The following ARID4B variants were observed in gnomAD, a reference collection of about 807,000 sequenced individuals.
ARID4B encodes AT-rich interactive domain-containing protein 4B.
ARID4B carries 26 observed loss-of-function variants against 147.5 expected under a neutral mutation model. The observed-to-expected ratio is 0.18, with a 90% confidence interval of 0.13 to 0.24. ARID4B has a LOEUF of 0.24. ARID4B is among the 10% of genes least tolerant of loss of function. The pLI is 1.00. For synonymous variants in ARID4B, 512 were observed against 507.9 expected (o/e 1.01, Z -0.11); for missense variants, 1,179 against 1,511.5 (o/e 0.78, Z 3.65).
At chr1:235,259,330 A>T (rs751074446) in intron 3 of ARID4B, among the ~76,000 whole-genome samples, 8 of 152,260 alleles carry the variant, frequency 5.3e-5, no homozygotes, top group Admixed American at 2.6e-4. Flanking sequence ...GGGCCAAAGC[A>T]TGGGTCCTGG....
intron 9 of ARID4B, among the ~76,000 whole-genome samples, chr1:235,233,631 C>T (rs749787266): frequency 3.9e-5 from 6 of 151,996 alleles, no homozygotes; most frequent in African/African-American, 9.7e-5. Flanking sequence ...TAACACTTAC[C>T]ATCCATATAC....
At chr1:235,252,390 T>C (rs1330458695) in intron 6 of ARID4B, among the ~76,000 whole-genome samples, 1 of 152,196 alleles carries the variant, frequency 6.6e-6, no homozygotes, top group African/African-American at 2.4e-5. Context: ...ACACATCCTT[T>C]AACTACGACA....
At chr1:235,240,184 T>C (rs1668893201) in intron 8 of ARID4B, 129 bp downstream of exon 8, 3 of 798,744 alleles carry the variant, frequency 3.8e-6, no homozygotes, top group Non-Finnish European at 5.7e-6. Flanking sequence ...AAAGTAAGCT[T>C]AGTGTGAACT....
chr1:235,168,528 C>A lies in ARID4B; in HGVS notation c.3936G>T (p.Arg1312Ser). 1 of 1,613,934 alleles carries A rather than the reference C, an allele frequency of 6.2e-7. No individual in the cohort carries two copies. The highest frequency in any genetic ancestry group is 8.5e-7 in the Non-Finnish European group (1 of 1,179,898). ...AGTGCTTTAGCAAGTCCTGCTGTCA[C>A]CTGCACTCAACTGACATTCCATTTT... Reference protein sequence around the residue: ...ASQNGMSVECR With the variant: ...ASQNGMSVECS The change falls in exon 24 of 24, where the codon AGG becomes AGT. Residue 1312 changes from arginine (R) to serine (S), a missense_variant. By Grantham distance (110) the Arg-to-Ser change is moderately radical (BLOSUM62 -1). Coordinates refer to ENST00000264183, the MANE Select transcript of ARID4B (RefSeq NM_016374.6).
intron 19 of ARID4B, among the ~76,000 whole-genome samples, chr1:235,183,705 C>G (rs1161152999): frequency 6.6e-6 from 1 of 151,914 alleles, no homozygotes; most frequent in Non-Finnish European, 1.5e-5. Flanking sequence ...CCTGGCCTCT[C>G]ATTTTTCTTT....
intron 1 of ARID4B, chr1:235,327,284 C>G (rs1202076091): frequency 5.5e-6 from 1 of 180,686 alleles, no homozygotes; most frequent in Non-Finnish European, 1.2e-5. Context: ...GGGCCGGCCG[C>G]TCTCCCCTAG....
chr1:235,309,321 G>A (rs1255107729), intron 2 of ARID4B, among the ~76,000 whole-genome samples: 21 of 68,432 alleles, frequency 3.1e-4, no homozygotes, highest in African/African-American at 8.6e-4. Context: ...CCGCCCGGCA[G>A]CCGCCCCATC....
chr1:235,222,386 A>G (rs1667529778), intron 13 of ARID4B, among the ~76,000 whole-genome samples: 1 of 152,246 alleles, frequency 6.6e-6, no homozygotes, highest in Non-Finnish European at 1.5e-5. Context: ...ATTTTATTCC[A>G]TAGAATATTC....
intron 2 of ARID4B, among the ~76,000 whole-genome samples, chr1:235,285,291 A>T (rs1433716790): frequency 3.3e-5 from 5 of 152,200 alleles, no homozygotes; most frequent in Non-Finnish European, 7.3e-5. Context: ...CATTTATTGT[A>T]GAAATGGAGG....
intron 2 of ARID4B, among the ~76,000 whole-genome samples, chr1:235,280,968 C>T (rs542228779): frequency 5.3e-5 from 8 of 151,762 alleles, no homozygotes; most frequent in Non-Finnish European, 1.2e-4. Flanking sequence ...AAAAAGAGTC[C>T]TGAGTAACTT....
Position 235,186,413 on chromosome 1 carries a change from T to TA in ARID4B, c.2126-3621_2126-3620insT, listed in dbSNP as rs199724945. Among the ~76,000 whole-genome samples the TA allele has an allele frequency of 2.8e-3, 398 of 141,798 alleles. 2 individuals are homozygous for TA. The highest frequency in any genetic ancestry group is 0.024 in the Middle Eastern group (7 of 286). The allele number at this position is 141,798 out of a possible 152,430, so 93.0% of individuals were successfully genotyped here. ...TTAATGCTCTACTGAATTTGCTTAT[T>TA]TTTTTTTTTTTTTAAGAGACAGAGT... is the stretch of plus-strand genomic sequence containing the variant. On this transcript the variant is annotated intron_variant, in intron 19 of 23. Coordinates refer to ENST00000264183, the MANE Select transcript of ARID4B (RefSeq NM_016374.6).
intron 2 of ARID4B, among the ~76,000 whole-genome samples, chr1:235,291,493 G>T (rs751840421): frequency 3.3e-5 from 5 of 151,682 alleles, no homozygotes; most frequent in Non-Finnish European, 4.4e-5. Context: ...ACTTAGAATG[G>T]TTTAATTTTT....
At chr1:235,323,797 T>A (rs1675021196) in intron 2 of ARID4B, among the ~76,000 whole-genome samples, 1 of 151,522 alleles carries the variant, frequency 6.6e-6, no homozygotes, top group Non-Finnish European at 1.5e-5. Context: ...AAAAAAAAAG[T>A]AAAAATCAAC....
intron 17 of ARID4B, among the ~76,000 whole-genome samples, chr1:235,210,132 T>G (rs1242537805): frequency 6.6e-6 from 1 of 151,758 alleles, no homozygotes; most frequent in Non-Finnish European, 1.5e-5. Flanking sequence ...GAGGCTGAGG[T>G]GGGAGGATCA....
chr1:235,266,649 TGG>T (rs1670630335), intron 2 of ARID4B, among the ~76,000 whole-genome samples: 1 of 151,880 alleles, frequency 6.6e-6, no homozygotes, highest in African/African-American at 2.4e-5. Context: ...TAGCTATTAG[TGG>T]ATAATAATCC....
At chr1:235,286,500 G>C (rs1288931698) in intron 2 of ARID4B, among the ~76,000 whole-genome samples, 1 of 152,166 alleles carries the variant, frequency 6.6e-6, no homozygotes, top group Non-Finnish European at 1.5e-5. Context: ...CTGCACAAGA[G>C]GAGCACGAAG....
chr1:235,231,249 T>C lies in ARID4B; in HGVS notation c.666-60A>G, dbSNP rs1668214562. On this transcript the variant is annotated intron_variant, in intron 9 of 23. Coordinates refer to ENST00000264183, the MANE Select transcript of ARID4B (RefSeq NM_016374.6). Reference sequence around the variant, plus strand: ...AAACCCAAAATATGACTGAGATTAATTAAGAATCCAGATGATTACATATCA... The same window carrying C: ...AAACCCAAAATATGACTGAGATTAACTAAGAATCCAGATGATTACATATCA... The C allele has an allele frequency of 1.3e-5, 12 of 892,456 alleles. 1 individual carries two copies. The South Asian group carries it at 2.0e-4, about 15-fold the overall frequency. The allele number at this position is 892,456 out of a possible 1,614,324, so 55.3% of individuals were successfully genotyped here. A position where few individuals can be genotyped will look rare whatever the true frequency, so the allele number is the denominator to read the frequency against.
At chr1:235,247,371 A>G (rs1244305762) in intron 6 of ARID4B, among the ~76,000 whole-genome samples, 1 of 152,232 alleles carries the variant, frequency 6.6e-6, no homozygotes, top group Non-Finnish European at 1.5e-5. Context: ...AATGTTATAT[A>G]ACTTTTTTAA....
chr1:235,212,506 A>G (rs1474343210), intron 17 of ARID4B, among the ~76,000 whole-genome samples: 1 of 152,220 alleles, frequency 6.6e-6, no homozygotes, highest in Non-Finnish European at 1.5e-5. Flanking sequence ...TCTTCCAAGC[A>G]TCAGAATGGA....
Sources: gnomAD v4.1 joint callset for allele counts (sites outside exome capture counted in the v4.1 genomes callset) on GRCh38, gnomAD v4.1.1 for gene constraint, MANE v1.5 for transcripts, NCBI Gene and HGNC (gene_info 2026-07-23, HGNC 2026-07-21) for gene names.